Variants in OR10J1 observed in about 807,000 individuals in gnomAD.
OR10J1 encodes the protein olfactory receptor 10J1.
For missense variants in OR10J1, 474 were observed against 376.6 expected (o/e 1.26, Z -2.14); for synonymous variants, 202 against 143.8 (o/e 1.40, Z -2.89).
At chr1:159,407,274 G>C in the OR10J1 span, among the ~76,000 whole-genome samples, 1 of 152,092 alleles carries the variant, frequency 6.6e-6, no homozygotes, top group Non-Finnish European at 1.5e-5. Context: ...TATGTACTCT[G>C]AAGCCACACT....
At chr1:159,402,686 C>T in the OR10J1 span, among the ~76,000 whole-genome samples, 2 of 151,924 alleles carry the variant, frequency 1.3e-5, no homozygotes. Flanking sequence ...TTATAGTACC[C>T]AAAGCTGTCT....
the OR10J1 span, among the ~76,000 whole-genome samples, chr1:159,400,253 G>T: frequency 6.6e-6 from 1 of 151,784 alleles, no homozygotes; most frequent in Non-Finnish European, 1.5e-5. Flanking sequence ...AATGCGAATG[G>T]ACTAAACTCT....
chr1:159,410,948 C>T, the OR10J1 span, among the ~76,000 whole-genome samples: 12 of 152,038 alleles, frequency 7.9e-5, no homozygotes, highest in East Asian at 1.9e-4. Flanking sequence ...GCCTTCATTT[C>T]GTTATGTACC....
the OR10J1 span, among the ~76,000 whole-genome samples, chr1:159,398,050 G>C: frequency 6.6e-6 from 1 of 152,222 alleles, no homozygotes; most frequent in Non-Finnish European, 1.5e-5. Context: ...TCAGAAAAGA[G>C]AAAGAGACTC....
At chr1:159,427,042 A>G in the OR10J1 span, among the ~76,000 whole-genome samples, 1 of 151,914 alleles carries the variant, frequency 6.6e-6, no homozygotes, top group African/African-American at 2.4e-5. Flanking sequence ...AGTGGCAGAG[A>G]GAGACAAGTG....
At chr1:159,417,961 T>G in the OR10J1 span, among the ~76,000 whole-genome samples, 1 of 152,174 alleles carries the variant, frequency 6.6e-6, no homozygotes, top group African/African-American at 2.4e-5. Context: ...CAAAGAGACT[T>G]GCATCATTAT....
In OR10J1 at chr1:159,439,944, G is replaced by A. The variant is rs10908722; in HGVS notation, c.153G>A (p.Met51Ile). ...TCATCATTGTGACCATCATCCGAAT[G>A]GATCTTCATCTTCACACACCCATGT... ...GNIIIVTIIR[M>I]DLHLHTPMYF... The change falls in exon 1 of 1, where the codon ATG becomes ATA. Residue 51 changes from methionine to isoleucine, a missense_variant. Met to Ile is a conservative substitution (Grantham distance 10). Transcript: ENST00000423932. 1 of 1,614,158 alleles carries A rather than the reference G, an allele frequency of 6.2e-7. No homozygotes were observed. The highest frequency in any genetic ancestry group is 8.5e-7 in the Non-Finnish European group (1 of 1,180,036).
At chr1:159,408,465 G>A in the OR10J1 span, among the ~76,000 whole-genome samples, 1 of 148,954 alleles carries the variant, frequency 6.7e-6, no homozygotes, top group Non-Finnish European at 1.5e-5. Flanking sequence ...GGGACTGTTG[G>A]GGGATGGGGG....
chr1:159,412,694 G>C, the OR10J1 span, among the ~76,000 whole-genome samples: 1 of 151,914 alleles, frequency 6.6e-6, no homozygotes, highest in East Asian at 1.9e-4. Context: ...ATTCAAGATG[G>C]ATTAAAGACT....
At chr1:159,415,316 T>C in the OR10J1 span, among the ~76,000 whole-genome samples, 1 of 152,176 alleles carries the variant, frequency 6.6e-6, no homozygotes, top group Non-Finnish European at 1.5e-5. Flanking sequence ...GTACCACTTA[T>C]TGAAGAAGGT....
chr1:159,414,875 C>T, the OR10J1 span, among the ~76,000 whole-genome samples: 1 of 151,926 alleles, frequency 6.6e-6, no homozygotes, highest in Non-Finnish European at 1.5e-5. Flanking sequence ...ATTTGTATAT[C>T]TTCTTTTGAA....
At chr1:159,404,655 T>C in the OR10J1 span, among the ~76,000 whole-genome samples, 1 of 152,148 alleles carries the variant, frequency 6.6e-6, no homozygotes, top group Non-Finnish European at 1.5e-5. Flanking sequence ...ATGAAGACCA[T>C]GATTTTTCTC....
At chr1:159,403,419 A>C in the OR10J1 span, among the ~76,000 whole-genome samples, 1 of 152,174 alleles carries the variant, frequency 6.6e-6, no homozygotes, top group African/African-American at 2.4e-5. Flanking sequence ...CTCTATATGA[A>C]AACAATCTAA....
the OR10J1 span, among the ~76,000 whole-genome samples, chr1:159,402,323 C>T: frequency 6.6e-6 from 1 of 152,008 alleles, no homozygotes; most frequent in Admixed American, 6.6e-5. Flanking sequence ...CAAAGTATCC[C>T]TCTTTGCAGA....
At chr1:159,414,410 A>G in the OR10J1 span, among the ~76,000 whole-genome samples, 1 of 152,230 alleles carries the variant, frequency 6.6e-6, no homozygotes, top group African/African-American at 2.4e-5. Flanking sequence ...TGTTGCTTCA[A>G]ATGATGGGAT....
chr1:159,405,439 G>C, the OR10J1 span: 16 of 167,580 alleles, frequency 9.5e-5, no homozygotes, highest in Non-Finnish European at 1.7e-4. Context: ...GATACACTGG[G>C]GGTTGAAGAG....
chr1:159,427,479 G>A, the OR10J1 span, among the ~76,000 whole-genome samples: 1 of 151,600 alleles, frequency 6.6e-6, no homozygotes, highest in Non-Finnish European at 1.5e-5. Flanking sequence ...AGATACGGAG[G>A]AACAAAATAC....
the OR10J1 span, among the ~76,000 whole-genome samples, chr1:159,423,334 G>A: frequency 6.6e-6 from 1 of 151,898 alleles, no homozygotes; most frequent in Admixed American, 6.6e-5. Context: ...ATTCTCTGTG[G>A]GCCTCTTACA....
chr1:159,433,617 AAGTT>A (rs1655652058), upstream of OR10J1, among the ~76,000 whole-genome samples: 1 of 152,152 alleles, frequency 6.6e-6, no homozygotes, highest in Non-Finnish European at 1.5e-5. Flanking sequence ...GATCAGGCTG[AAGTT>A]ATGCTCCAGC....
Sources: gnomAD v4.1 joint callset for allele counts (sites outside exome capture counted in the v4.1 genomes callset) on GRCh38, gnomAD v4.1.1 for gene constraint, MANE v1.5 for transcripts, NCBI Gene and HGNC (gene_info 2026-07-23, HGNC 2026-07-21) for gene names.